The following RLN2 variants were observed in gnomAD, a reference collection of about 807,000 sequenced individuals.
RLN2 encodes the protein prorelaxin H2.
In RLN2, 10 loss-of-function variants were observed where a neutral mutation model predicts 7.3. The observed-to-expected ratio is 1.36, with a 90% CI of 0.84 to 2.31. RLN2 has a LOEUF of 2.31. Among genes scored for constraint, RLN2 ranks in the 30% most tolerant of loss-of-function variants. The pLI is 0.00. For missense variants in RLN2, 298 were observed against 217.6 expected, an observed-to-expected ratio of 1.37 and a Z score of -2.32; for synonymous variants, 103 against 82.3, an observed-to-expected ratio of 1.25 and a Z score of -1.36.
the RLN2 span, among the ~76,000 whole-genome samples, chr9:5,321,619 G>A: frequency 1.3e-5 from 2 of 151,862 alleles, no homozygotes; most frequent in African/African-American, 4.8e-5. Flanking sequence ...GGAGGGAAGG[G>A]ATGCAGGGTG....
chr9:5,315,927 C>A, the RLN2 span, among the ~76,000 whole-genome samples: 1 of 152,008 alleles, frequency 6.6e-6, no homozygotes, highest in Non-Finnish European at 1.5e-5. Flanking sequence ...TACCACTATA[C>A]CTGCCTTACA....
the RLN2 span, among the ~76,000 whole-genome samples, chr9:5,321,442 T>C: frequency 6.6e-6 from 1 of 152,108 alleles, no homozygotes; most frequent in Admixed American, 6.5e-5. Context: ...GCACTTAGCT[T>C]GATTTACACT....
chr9:5,307,271 GGATA>G (rs148888922), upstream of RLN2, among the ~76,000 whole-genome samples: 21,315 of 143,252 alleles, frequency 0.15, 2,009 homozygotes, highest in Non-Finnish European at 0.2. Flanking sequence ...GATAGATAGA[GGATA>G]GATAGATAGA....
chr9:5,313,005 C>G, the RLN2 span, among the ~76,000 whole-genome samples: 1 of 151,956 alleles, frequency 6.6e-6, no homozygotes, highest in Admixed American at 6.6e-5. Flanking sequence ...AACACATGAT[C>G]TAGCATGAAA....
At chr9:5,330,637 C>CAAAAAAAAAAAA in the RLN2 span, among the ~76,000 whole-genome samples, 1 of 74,738 alleles carries the variant, frequency 1.3e-5, no homozygotes, top group Non-Finnish European at 2.5e-5. Flanking sequence ...GACTCCATCT[C>CAAAAAAAAAAAA]AAAAAAAAAA....
the RLN2 span, among the ~76,000 whole-genome samples, chr9:5,314,309 C>T: frequency 6.6e-6 from 1 of 152,024 alleles, no homozygotes. Flanking sequence ...GCTGCTACAT[C>T]CTATTTCTTG....
At chr9:5,311,859 G>A in the RLN2 span, 1 of 548,444 alleles carries the variant, frequency 1.8e-6, no homozygotes. Context: ...AAGTTTTAGG[G>A]TACATGTGCA....
At chr9:5,306,796 A>G (rs181170527), upstream of RLN2, among the ~76,000 whole-genome samples, 201 of 152,128 alleles carry the variant, frequency 1.3e-3, no homozygotes, top group Non-Finnish European at 2.1e-3. Flanking sequence ...GTGAAGGTTA[A>G]TATGTACAGA....
At chr9:5,330,879 G>T in the RLN2 span, among the ~76,000 whole-genome samples, 1 of 149,914 alleles carries the variant, frequency 6.7e-6, no homozygotes, top group East Asian at 2.0e-4. Context: ...AAAGAGAGAA[G>T]AATCAAAGAG....
At chr9:5,300,791 G>A (rs1053528409) in intron 1 of RLN2, among the ~76,000 whole-genome samples, 1 of 152,148 alleles carries the variant, frequency 6.6e-6, no homozygotes, top group Non-Finnish European at 1.5e-5. Flanking sequence ...ACCACAGCTA[G>A]TGGTCATTTT....
chr9:5,317,849 C>T, the RLN2 span, among the ~76,000 whole-genome samples: 4 of 151,920 alleles, frequency 2.6e-5, no homozygotes, highest in African/African-American at 4.8e-5. Flanking sequence ...GATACCATTT[C>T]TTACTCATTA....
the RLN2 span, among the ~76,000 whole-genome samples, chr9:5,328,881 C>A: frequency 6.6e-6 from 1 of 152,112 alleles, no homozygotes; most frequent in African/African-American, 2.4e-5. Context: ...CAAGAAAATG[C>A]TGAGAGATTT....
the RLN2 span, among the ~76,000 whole-genome samples, chr9:5,325,258 G>T: frequency 6.6e-6 from 1 of 151,688 alleles, no homozygotes; most frequent in Non-Finnish European, 1.5e-5. Context: ...AGGACTATAA[G>T]CTCAAGTCAC....
At chr9:5,333,737 A>G in the RLN2 span, among the ~76,000 whole-genome samples, 6 of 152,066 alleles carry the variant, frequency 3.9e-5, no homozygotes, top group Admixed American at 3.3e-4. Flanking sequence ...CTTCAGGCCA[A>G]TATCCCTGAT....
At chr9:5,314,014 C>T in the RLN2 span, among the ~76,000 whole-genome samples, 5 of 151,948 alleles carry the variant, frequency 3.3e-5, no homozygotes, top group Non-Finnish European at 7.4e-5. Flanking sequence ...CAGCCCCCAT[C>T]ACCACCTTAG....
At chr9:5,319,139 A>G in the RLN2 span, among the ~76,000 whole-genome samples, 6 of 151,874 alleles carry the variant, frequency 4.0e-5, no homozygotes, top group African/African-American at 1.2e-4. Context: ...TCCCTTTCCT[A>G]AGGAACTATA....
At chr9:5,315,633 T>C in the RLN2 span, among the ~76,000 whole-genome samples, 1 of 151,896 alleles carries the variant, frequency 6.6e-6, no homozygotes, top group Non-Finnish European at 1.5e-5. Context: ...AAATAGGTCC[T>C]CTCCAAGTTG....
At chr9:5,327,470 G>A in the RLN2 span, among the ~76,000 whole-genome samples, 1 of 152,044 alleles carries the variant, frequency 6.6e-6, no homozygotes, top group Non-Finnish European at 1.5e-5. Flanking sequence ...CACCTCTAGC[G>A]GCAGGGCATA....
the RLN2 span, among the ~76,000 whole-genome samples, chr9:5,329,476 G>A: frequency 1.3e-5 from 2 of 151,520 alleles, no homozygotes; most frequent in African/African-American, 4.9e-5. Flanking sequence ...TGGATAAAGA[G>A]TCAAGACCCC....
Sources: gnomAD v4.1 joint callset for allele counts (sites outside exome capture counted in the v4.1 genomes callset) on GRCh38, gnomAD v4.1.1 for gene constraint, MANE v1.5 for transcripts, NCBI Gene and HGNC (gene_info 2026-07-23, HGNC 2026-07-21) for gene names.